TLE2: variants seen among roughly 807,000 people sequenced by gnomAD.
TLE2 encodes transducin-like enhancer protein 2.
A neutral mutation model predicts 97.2 loss-of-function variants in TLE2; 74 were observed. That is an observed-to-expected ratio of 0.76 (90% CI 0.63 to 0.92). The LOEUF (loss-of-function observed/expected upper bound fraction) is 0.92. Ranked by LOEUF, TLE2 falls within the 40% of genes least tolerant of loss-of-function variation. The pLI is 0.00. For missense variants in TLE2, 1,038 were observed against 1,008.7 expected, an observed-to-expected ratio of 1.03 and a Z score of -0.39; for synonymous variants, 499 against 432.1, an observed-to-expected ratio of 1.15 and a Z score of -1.92.
At chr19:3,028,468 A>G in intron 2 of TLE2, 86 bp from the exon 3 acceptor site, 2 of 1,364,226 alleles carry the variant, frequency 1.5e-6, no homozygotes, top group East Asian at 2.5e-5. Context: ...CCCCCTCCCG[A>G]CTTCCTTACA....
chr19:3,036,150 G>A (rs561943924), intron 1 of TLE2, among the ~76,000 whole-genome samples: 2 of 152,140 alleles, frequency 1.3e-5, no homozygotes, highest in Non-Finnish European at 2.9e-5. Context: ...ACCCCCAGGT[G>A]GGGGGGATGG....
intron 4 of TLE2, among the ~76,000 whole-genome samples, chr19:3,026,337 C>A (rs2089942314): frequency 6.6e-6 from 1 of 151,718 alleles, no homozygotes; most frequent in South Asian, 2.1e-4. Context: ...AATCCCAGCT[C>A]CTCGGGAGGC....
At chr19:3,003,145 T>C (rs2089402346) in intron 17 of TLE2, among the ~76,000 whole-genome samples, 1 of 152,124 alleles carries the variant, frequency 6.6e-6, no homozygotes, top group Admixed American at 6.6e-5. Flanking sequence ...GTCGAATCAT[T>C]AATATTAATC....
rs1404288242 is a variant in TLE2, at chr19:3,005,978, G to A, written c.1501-10C>T. ...TGTAGTTGTCTCGGTTCTGGGGTCG[G>A]GGAGAGAAGCAGGGGCTGGGGGTTG... On this transcript the variant is annotated splice_polypyrimidine_tract_variant and intron_variant, in intron 15 of 19. Coordinates refer to ENST00000262953, the MANE Select transcript of TLE2 (RefSeq NM_003260.5). The A allele has an allele frequency of 6.2e-7, 1 of 1,609,760 alleles. No individual in the cohort carries two copies. The highest frequency in any genetic ancestry group is 8.5e-7 in the Non-Finnish European group (1 of 1,176,676).
At chr19:3,031,263 T>C (rs950104824), upstream of TLE2, among the ~76,000 whole-genome samples, 3 of 151,298 alleles carry the variant, frequency 2.0e-5, no homozygotes, top group African/African-American at 7.3e-5. Flanking sequence ...AGGGTAGCCT[T>C]GGAGATGAGA....
At position 3,008,958 on chromosome 19, in the gene TLE2, C is replaced by G; in HGVS notation, c.1174-13G>C. The G allele has an allele frequency of 1.3e-6, 2 of 1,568,660 alleles. No individual in the cohort carries two copies. The highest frequency in any genetic ancestry group is 8.6e-7 in the Non-Finnish European group (1 of 1,156,702). Reference sequence around the variant, plus strand: ...ACTCAAATGCCATCTGTGAGAATGCCAGGGGGGTGTCAGTGAGGCAGGTGA... The same window carrying G: ...ACTCAAATGCCATCTGTGAGAATGCGAGGGGGGTGTCAGTGAGGCAGGTGA... On this transcript the variant is annotated splice_polypyrimidine_tract_variant and intron_variant, in intron 13 of 19. Coordinates refer to ENST00000262953, the MANE Select transcript of TLE2 (RefSeq NM_003260.5).
Position 3,005,606 on chromosome 19 carries a change from C to A in TLE2, c.1749-22G>T, listed in dbSNP as rs539545418. ...CTGCCTGGAGGGAGAAGGGCCCAGGCGTCCATCCTGGAATTCGAGCTGCCC... is the reference window on the plus strand; with the variant it reads ...CTGCCTGGAGGGAGAAGGGCCCAGGAGTCCATCCTGGAATTCGAGCTGCCC... On this transcript the variant is annotated intron_variant, in intron 16 of 19. Coordinates refer to ENST00000262953, the MANE Select transcript of TLE2 (RefSeq NM_003260.5). 4.3e-6 allele frequency: 7 copies of A among 1,611,952 alleles called. No homozygotes were observed. In the South Asian group the frequency reaches 7.7e-5, roughly 18 times the overall value.
At chr19:3,023,568 T>C (rs991834045) in intron 5 of TLE2, among the ~76,000 whole-genome samples, 3 of 152,068 alleles carry the variant, frequency 2.0e-5, no homozygotes, top group Non-Finnish European at 4.4e-5. Context: ...ATCTTTCACG[T>C]CTCTCTGAAG....
chr19:3,009,554 TC>T lies in TLE2; in HGVS notation c.1160del (p.Gly387AspfsTer5), dbSNP rs1218485759. On this transcript the variant is annotated frameshift_variant, in exon 13 of 20. Transcript: ENST00000262953. LOFTEE classifies it high-confidence loss of function. ...CCCAAGGACTCACCACGGGGGAGCGTCCGTACACCACAGAGCTGCTGACCTG... is the reference window on the plus strand; with the variant it reads ...CCCAAGGACTCACCACGGGGGAGCGTCGTACACCACAGAGCTGCTGACCTG... ...SPQVSSSVVY[G>X]RSPVMAFESH... The T allele has an allele frequency of 6.2e-7, 1 of 1,610,000 alleles. No homozygotes were observed. Among genetic ancestry groups the T allele is most frequent in the Non-Finnish European group, 8.5e-7 (1 of 1,178,310 alleles).
rs762416245 is a variant in TLE2 at position 3,005,431 on chromosome 19, C to CA, written c.1896+5dup. On this transcript the variant is annotated splice_donor_region_variant and intron_variant, in intron 17 of 19. Transcript: ENST00000262953. ...CCATCCCCCTCCTGCCAGAACCGAACAGCACCTGGGAGCTGAAGTCATGCT... is the reference window on the plus strand; with the variant it reads ...CCATCCCCCTCCTGCCAGAACCGAACAAGCACCTGGGAGCTGAAGTCATGCT... 20 of 1,613,422 alleles carry CA rather than the reference C, an allele frequency of 1.2e-5. No homozygotes were observed. Among genetic ancestry groups the CA allele is most frequent in the Non-Finnish European group, 1.3e-5 (15 of 1,179,652 alleles).
At chr19:3,042,696 T>C (rs2090113856) in intron 1 of TLE2, among the ~76,000 whole-genome samples, 1 of 151,680 alleles carries the variant, frequency 6.6e-6, no homozygotes, top group Non-Finnish European at 1.5e-5. Context: ...TGCTTCATAT[T>C]AGGGGTTTGT....
In TLE2 at chr19:3,016,419, C is replaced by CAAA. The variant is rs34669546; in HGVS notation, c.571-662_571-660dup. ...TGAAACCCCGTCTCTACTAAAAATACAAAAAAAAAAAAAAAAAAAAATTAG... is the reference window on the plus strand; with the variant it reads ...TGAAACCCCGTCTCTACTAAAAATACAAAAAAAAAAAAAAAAAAAAAAAATTAG... On this transcript the variant is annotated intron_variant, in intron 8 of 19. Transcript: ENST00000262953. 7.4e-3 allele frequency among the ~76,000 whole-genome samples: 681 copies of CAAA among 91,512 alleles called. 11 individuals carry two copies. The highest frequency in any genetic ancestry group is 0.026 in the East Asian group (73 of 2,854). 60.0% of individuals were successfully genotyped at this position (91,512 alleles called of 152,430 possible). A position where few individuals can be genotyped will look rare whatever the true frequency, so the allele number is the denominator to read the frequency against.
chr19:3,027,335 C>A (rs1170986611), intron 4 of TLE2, among the ~76,000 whole-genome samples: 1 of 152,236 alleles, frequency 6.6e-6, no homozygotes, highest in Non-Finnish European at 1.5e-5. Context: ...AAATTCAGGG[C>A]CTGGAGAACA....
chr19:3,029,558 C>CG (rs756651385), upstream of TLE2: 9,178 of 226,274 alleles, frequency 0.041, 623 homozygotes, highest in African/African-American at 0.19. Flanking sequence ...ACCGTGGGAG[C>CG]GGGGGGGGGG....
rs866709740 is a variant in TLE2 at position 3,017,339 on chromosome 19, T to C, written c.570+501A>G. On this transcript the variant is annotated intron_variant, in intron 8 of 19. Coordinates refer to ENST00000262953, the MANE Select transcript of TLE2 (RefSeq NM_003260.5). ...TTTTAGTAGAGACAGGGTTTTGCCA[T>C]GTTGGCCAGGCTGCTTTTGAACTCC... Among the ~76,000 whole-genome samples, 6 of 152,096 alleles carry C rather than the reference T, an allele frequency of 3.9e-5. No homozygotes were observed. In the Middle Eastern group the frequency reaches 0.014, roughly 345 times the overall value.
intron 1 of TLE2, among the ~76,000 whole-genome samples, chr19:3,035,413 A>G (rs889642231): frequency 2.0e-5 from 3 of 151,956 alleles, no homozygotes; most frequent in African/African-American, 7.2e-5. Flanking sequence ...CAGCTGCACC[A>G]TCAGGGAAGA....
At position 3,028,892 on chromosome 19, in the gene TLE2, C is replaced by A; in HGVS notation, c.13G>T (p.Gly5Ter). 1 of 1,610,918 alleles carries A rather than the reference C, an allele frequency of 6.2e-7. No individual in the cohort carries two copies. Among genetic ancestry groups the A allele is most frequent in the Non-Finnish European group, 8.5e-7 (1 of 1,179,698 alleles). The change falls in exon 1 of 20, where the codon GGA becomes TGA. Residue 5 changes from glycine (G) to a stop codon, truncating the protein, a stop_gained. Transcript: ENST00000262953. LOFTEE classifies it high-confidence loss of function. ...CAGTCCGCACTCACCGGGTGCCTTC[C>A]CTGGGGGTACATCCTGCCGATCCGA... MYPQ[G>*]RHPTPLQSGQ... is the part of the protein sequence containing the mutation.
upstream of TLE2, among the ~76,000 whole-genome samples, chr19:3,032,755 G>A (rs539064884): frequency 1.3e-5 from 2 of 152,124 alleles, no homozygotes; most frequent in East Asian, 1.9e-4. This position sits in a 1 kb window ranked among gnomAD's most constrained non-coding sequence, Gnocchi z 4.1. Context: ...ATCATTCTAC[G>A]CTGTCAAGAG....
chr19:3,036,317 CGT>C, intron 1 of TLE2, among the ~76,000 whole-genome samples: 1 of 152,346 alleles, frequency 6.6e-6, no homozygotes, highest in Middle Eastern at 3.4e-3. Flanking sequence ...ATCAAAGTAA[CGT>C]GGGTACCTCT....
Sources: allele counts gnomAD v4.1 joint callset (sites outside exome capture counted in the v4.1 genomes callset), GRCh38; gene constraint gnomAD v4.1.1; non-coding constraint Gnocchi (gnomAD v3.1); transcripts MANE v1.5; gene names NCBI Gene and HGNC (gene_info 2026-07-23, HGNC 2026-07-21).